The following ZNF746 variants were observed in gnomAD, a reference collection of about 807,000 sequenced individuals.
ZNF746 encodes parkin-interacting substrate.
Under a neutral mutation model 41.0 loss-of-function variants are expected in ZNF746, and 13 were observed. The observed-to-expected ratio is 0.32, with a 90% CI of 0.21 to 0.50. The LOEUF is 0.50. ZNF746 is among the 20% of genes least tolerant of loss of function. ZNF746 has a pLI of 0.98. For missense variants in ZNF746, 811 were observed against 922.9 expected, an observed-to-expected ratio of 0.88 and a Z score of 1.57; for synonymous variants, 424 against 396.2, an observed-to-expected ratio of 1.07 and a Z score of -0.83.
intron 4 of ZNF746, chr7:149,491,990 CTAA>C: frequency 4.3e-6 from 3 of 702,976 alleles, no homozygotes; most frequent in South Asian, 1.5e-5. Context: ...ATGTGTGCTT[CTAA>C]TAATACCAAA....
At chr7:149,492,819 A>G (rs1226233945) in intron 4 of ZNF746, 40 bp downstream of exon 4, 2 of 1,433,576 alleles carry the variant, frequency 1.4e-6, no homozygotes, top group Non-Finnish European at 2.0e-6. Flanking sequence ...TGTTTCCTGC[A>G]CAATACCTGA....
chr7:149,474,458 C>A lies in ZNF746; in HGVS notation c.1909G>T (p.Ala637Ser). The A allele has an allele frequency of 1.2e-6, 2 of 1,611,630 alleles. No individual in the cohort carries two copies. The highest frequency in any genetic ancestry group is 1.7e-6 in the Non-Finnish European group (2 of 1,178,970). The change falls in exon 7 of 7, where the codon GCC (alanine) becomes TCC (serine). Residue 637 changes from alanine to serine, a missense_variant. Coordinates refer to ENST00000458143, the MANE Select transcript of ZNF746 (RefSeq NM_001394198.1). The surrounding 1 kb of genome is among the most constrained non-coding windows in gnomAD (Gnocchi z 6.3). ...FKSPASKGPL[A>S]STDLVTDWTC... ...CAGTCGGTCACAAGGTCTGTGGAGG[C>A]CAAAGGTCCTTTGGAGGCGGGGCTC...
Position 149,494,065 on chromosome 7 carries a change from C to G in ZNF746, c.375G>C (p.Trp125Cys), listed in dbSNP as rs754514141. ...DVAVYFSEQEWGKLEDWQKEL... is the reference protein window; with the variant it reads ...DVAVYFSEQECGKLEDWQKEL... ...CCTTCTGCCAGTCCTCCAGCTTGCCCCACTCCTGCTCGGAGAAATACACGG... is the reference window on the plus strand; with the variant it reads ...CCTTCTGCCAGTCCTCCAGCTTGCCGCACTCCTGCTCGGAGAAATACACGG... The change falls in exon 3 of 7, where the codon TGG becomes TGC. Residue 125 changes from tryptophan (W) to cysteine (C), a missense_variant. Physicochemically the swap from Trp to Cys is radical, Grantham distance 215. This residue lies in a region of ZNF746 where 147 missense variants were observed against 233.4 expected (regional missense o/e 0.63). Transcript: ENST00000458143. This position sits in a 1 kb window ranked among gnomAD's most constrained non-coding sequence, Gnocchi z 5.6. 1.9e-6 allele frequency: 3 copies of G among 1,614,046 alleles called. No individual in the cohort carries two copies. In the South Asian group the frequency reaches 3.3e-5, roughly 18 times the overall value.
chr7:149,492,083 GCTGA>G (rs1800826343), intron 4 of ZNF746: 1 of 685,066 alleles, frequency 1.5e-6, no homozygotes, highest in African/African-American at 1.8e-5. Flanking sequence ...TGGAGGCAAG[GCTGA>G]CTCTTTGCAA....
chr7:149,480,447 G>GTTTT lies in ZNF746; in HGVS notation c.566-2693_566-2692insAAAA, dbSNP rs1300733938. Among the ~76,000 whole-genome samples the GTTTT allele has an allele frequency of 2.2e-4, 33 of 151,790 alleles. 5 individuals are homozygous for GTTTT. The highest frequency in any genetic ancestry group is 3.9e-4 in the East Asian group (2 of 5,166). On this transcript the variant is annotated intron_variant, in intron 4 of 6. Transcript: ENST00000458143. ...GTTTTGTTTGTTTGTTTGTTTGTTTGTTTGAGATGGAGTCTCGCTCTGTTG... is the reference window on the plus strand; with the variant it reads ...GTTTTGTTTGTTTGTTTGTTTGTTTGTTTTTTTGAGATGGAGTCTCGCTCTGTTG...
In ZNF746 at chr7:149,497,201, G is replaced by T; in HGVS notation, c.24+312C>A. The T allele has an allele frequency of 1.0e-6, 1 of 984,982 alleles. No homozygotes were observed. The highest frequency in any genetic ancestry group is 1.2e-6 in the Non-Finnish European group (1 of 829,558). 61.0% of individuals were successfully genotyped at this position (984,982 alleles called of 1,614,324 possible). Reference sequence around the variant, plus strand: ...GCAGAGAAAGGAGCCGCGGGTGGGGGGGCACCCAGAAGGAGGGGACAGCGG... The same window carrying T: ...GCAGAGAAAGGAGCCGCGGGTGGGGTGGCACCCAGAAGGAGGGGACAGCGG... On this transcript the variant is annotated intron_variant, in intron 1 of 6. Coordinates refer to ENST00000458143, the MANE Select transcript of ZNF746 (RefSeq NM_001394198.1). The surrounding 1 kb of genome is among the most constrained non-coding windows in gnomAD (Gnocchi z 4.2).
In ZNF746 at chr7:149,477,582, A is replaced by C. The variant is rs776628065; in HGVS notation, c.739T>G (p.Ser247Ala). 8 of 1,610,474 alleles carry C rather than the reference A, an allele frequency of 5.0e-6. No homozygotes were observed. The South Asian group carries it at 8.8e-5, about 18-fold the overall frequency. The change falls in exon 5 of 7, where the codon TCC (serine) becomes GCC (alanine). Residue 247 changes from serine to alanine, a missense_variant. Coordinates refer to ENST00000458143, the MANE Select transcript of ZNF746 (RefSeq NM_001394198.1). ...SQLDSGAGDI[S>A]TDATSGVHSN... is the part of the protein sequence containing the mutation. ...CACTTACCAGAGGTGGCATCCGTGG[A>C]GATGTCTCCTGCTCCGGAATCCAGC...
rs1022932162 is a variant in ZNF746, at chr7:149,477,879, G to A, written c.566-124C>T. On this transcript the variant is annotated intron_variant, in intron 4 of 6. Coordinates refer to ENST00000458143, the MANE Select transcript of ZNF746 (RefSeq NM_001394198.1). ...GGGTCCAACAGCAAAAGAGCCTGGT[G>A]GGAAGGGAGGCAGCAGCAAACAGGA... The A allele has an allele frequency of 4.0e-6, 3 of 752,974 alleles. No homozygotes were observed. The African/African-American group carries it at 5.3e-5, about 13-fold the overall frequency. 46.6% of individuals were successfully genotyped at this position (752,974 alleles called of 1,614,324 possible).
At chr7:149,481,605 T>C (rs1206635276) in intron 4 of ZNF746, among the ~76,000 whole-genome samples, 1 of 152,132 alleles carries the variant, frequency 6.6e-6, no homozygotes, top group South Asian at 2.1e-4. Context: ...TAAACACATA[T>C]AAACTCATAT....
At chr7:149,476,877 C>T in intron 6 of ZNF746, 45 bp downstream of exon 6, 2 of 1,612,784 alleles carry the variant, frequency 1.2e-6, no homozygotes, top group Admixed American at 3.3e-5. Flanking sequence ...AGGTACTCCC[C>T]ACAGGCAAGC....
In ZNF746 at chr7:149,497,272, T is replaced by A. The variant is rs1801037290; in HGVS notation, c.24+241A>T. 1 of 984,908 alleles carries A rather than the reference T, an allele frequency of 1.0e-6. No individual in the cohort carries two copies. The highest frequency in any genetic ancestry group is 4.7e-5 in the South Asian group (1 of 21,270). The allele number at this position is 984,908 out of a possible 1,614,324, so 61.0% of individuals were successfully genotyped here. A position where few individuals can be genotyped will look rare whatever the true frequency, so the allele number is the denominator to read the frequency against. ...CCCGGAGGGCCCAAAGAACTTGGCG[T>A]GGGGCGGCCCGGGGCGGGGACAACC... is the stretch of plus-strand genomic sequence containing the variant. On this transcript the variant is annotated intron_variant, in intron 1 of 6. Coordinates refer to ENST00000458143, the MANE Select transcript of ZNF746 (RefSeq NM_001394198.1). This position sits in a 1 kb window ranked among gnomAD's most constrained non-coding sequence, Gnocchi z 4.2.
chr7:149,480,427 G>T (rs1800451223), intron 4 of ZNF746, among the ~76,000 whole-genome samples: 2 of 151,412 alleles, frequency 1.3e-5, no homozygotes, highest in Non-Finnish European at 1.5e-5. Flanking sequence ...CTGTTGTTTT[G>T]TTTGTTTGTT....
chr7:149,492,732 G>T, intron 4 of ZNF746, 127 bp downstream of exon 4: 1 of 708,512 alleles, frequency 1.4e-6, no homozygotes, highest in Non-Finnish European at 2.5e-6. Flanking sequence ...AAAAACTCAA[G>T]ACATAAAACC....
intron 4 of ZNF746, chr7:149,490,818 G>C (rs1800777449): frequency 6.5e-6 from 1 of 152,956 alleles, no homozygotes; most frequent in Non-Finnish European, 1.5e-5. Flanking sequence ...TGCAGAAGTA[G>C]CAAAAAGACA....
chr7:149,474,753 G>T lies in ZNF746; in HGVS notation c.1614C>A (p.Pro538=), dbSNP rs555569119. 1.9e-6 allele frequency: 3 copies of T among 1,597,528 alleles called. No individual in the cohort carries two copies. Among genetic ancestry groups the T allele is most frequent in the Non-Finnish European group, 2.6e-6 (3 of 1,174,972 alleles). The change falls in exon 7 of 7, where the codon CCC becomes CCA. Residue 538 remains proline (P), a synonymous_variant. Transcript: ENST00000458143. The surrounding 1 kb of genome is among the most constrained non-coding windows in gnomAD (Gnocchi z 6.3). Reference sequence around the variant, plus strand: ...GCATGCGATGGCGGATGAGGTGCGCGGGGCGCGTGAAGCAACGGCCGCACT... The same window carrying T: ...GCATGCGATGGCGGATGAGGTGCGCTGGGCGCGTGAAGCAACGGCCGCACT... ...CGECGRCFTR[P]AHLIRHRMLH...
Position 149,497,467 on chromosome 7 carries a change from T to A in ZNF746, c.24+46A>T. On this transcript the variant is annotated intron_variant, in intron 1 of 6. Coordinates refer to ENST00000458143, the MANE Select transcript of ZNF746 (RefSeq NM_001394198.1). This position sits in a 1 kb window ranked among gnomAD's most constrained non-coding sequence, Gnocchi z 4.2. ...CGCCGTGTGCCGGGGCCGGGCCGCC[T>A]GGGGCCCCCAGGCCGCGAGTCCCTG... The A allele has an allele frequency of 9.3e-7, 1 of 1,077,422 alleles. No individual in the cohort carries two copies. The allele number at this position is 1,077,422 out of a possible 1,614,324, so 66.7% of individuals were successfully genotyped here. A position where few individuals can be genotyped will look rare whatever the true frequency, so the allele number is the denominator to read the frequency against.
In ZNF746 at chr7:149,497,355, G is replaced by A; in HGVS notation, c.24+158C>T. 2.1e-6 allele frequency: 2 copies of A among 968,918 alleles called. No homozygotes were observed. Among genetic ancestry groups the A allele is most frequent in the Non-Finnish European group, 2.5e-6 (2 of 815,196 alleles). 60.0% of individuals were successfully genotyped at this position (968,918 alleles called of 1,614,324 possible). On this transcript the variant is annotated intron_variant, in intron 1 of 6. Transcript: ENST00000458143. The surrounding 1 kb of genome is among the most constrained non-coding windows in gnomAD (Gnocchi z 4.2). ...GGGGCCCGGCCGACGGGCGCAGTAG[G>A]CCCCGGCGGACCCCGCGCCCCATTC... is the stretch of plus-strand genomic sequence containing the variant.
chr7:149,477,849 T>C, intron 4 of ZNF746, 94 bp from the exon 5 acceptor site: 1 of 1,104,306 alleles, frequency 9.1e-7, no homozygotes, highest in Non-Finnish European at 1.2e-6. Context: ...ACAGGGGCCT[T>C]ACAAGGGTCC....
intron 4 of ZNF746, among the ~76,000 whole-genome samples, chr7:149,492,383 T>G (rs758833420): frequency 2.4e-4 from 36 of 152,372 alleles, no homozygotes; most frequent in Middle Eastern, 3.4e-3. Flanking sequence ...AGTATCACTA[T>G]GTAACACACA....
Sources: allele counts gnomAD v4.1 joint callset (sites outside exome capture counted in the v4.1 genomes callset), GRCh38; gene constraint gnomAD v4.1.1; regional missense constraint gnomAD v4.1.1; non-coding constraint Gnocchi (gnomAD v3.1); transcripts MANE v1.5; gene names NCBI Gene and HGNC (gene_info 2026-07-23, HGNC 2026-07-21).